Variants in REEP1 observed in about 807,000 individuals in gnomAD.
The protein encoded by REEP1 is receptor expression-enhancing protein 1.
Under a neutral mutation model 40.3 loss-of-function variants are expected in REEP1, and 22 were observed. The observed-to-expected ratio is 0.55, with a 90% CI of 0.39 to 0.78. REEP1 has a LOEUF of 0.78. Among genes scored for constraint, REEP1 ranks in the 30% least tolerant of loss-of-function variants. REEP1 has a pLI of 0.00. For missense variants in REEP1, 280 were observed against 361.1 expected (o/e 0.78, Z 1.82); for synonymous variants, 116 against 139.2 (o/e 0.83, Z 1.17).
chr2:86,216,960 A>T lies in REEP1; in HGVS notation c.*79T>A. ...CACTCAAAGCACACCCAGCTTGCGG[A>T]TTTCTATGTTATTAGTGAATAGCTC... On this transcript the variant is annotated 3_prime_UTR_variant, in exon 9 of 9. Coordinates refer to ENST00000538924, the MANE Select transcript of REEP1 (RefSeq NM_001371279.1). 7.8e-7 allele frequency: 1 copy of T among 1,286,180 alleles called. No homozygotes were observed. Among genetic ancestry groups the T allele is most frequent in the Non-Finnish European group, 1.1e-6 (1 of 888,620 alleles). The allele number at this position is 1,286,180 out of a possible 1,614,324, so 79.7% of individuals were successfully genotyped here.
chr2:86,251,925 C>A (rs376558844), intron 5 of REEP1, 32 bp downstream of exon 5: 1 of 1,442,734 alleles, frequency 6.9e-7, no homozygotes, highest in African/African-American at 1.4e-5. Context: ...GGGACTGAGA[C>A]TCATGTAGTT....
chr2:86,282,255 G>A lies in REEP1; in HGVS notation c.33-13C>T, dbSNP rs1421715498. On this transcript the variant is annotated splice_polypyrimidine_tract_variant and intron_variant, in intron 1 of 8. Coordinates refer to ENST00000538924, the MANE Select transcript of REEP1 (RefSeq NM_001371279.1). ...GCCAAATATAAGCCTGGAGGGAAGA[G>A]AGACAAAAATAAATACGATTTTTCA... 9 of 1,572,090 alleles carry A rather than the reference G, an allele frequency of 5.7e-6. 1 individual carries two copies. The highest frequency in any genetic ancestry group is 1.4e-5 in the African/African-American group (1 of 74,046).
In REEP1 at chr2:86,226,632, C is replaced by CTTT. The variant is rs377324951; in HGVS notation, c.631+728_631+730dup. On this transcript the variant is annotated intron_variant, in intron 7 of 8. Transcript: ENST00000538924. ...TACAGGTGCACACCAGCACACCTGG[C>CTTT]TTTTTTTTTTTTTTAATTGTAGAGA... Among the ~76,000 whole-genome samples the CTTT allele has an allele frequency of 2.1e-3, 291 of 139,432 alleles. 4 individuals carry two copies. Among genetic ancestry groups the CTTT allele is most frequent in the African/African-American group, 7.2e-3 (265 of 36,694 alleles). 91.5% of individuals were successfully genotyped at this position (139,432 alleles called of 152,430 possible). A position where few individuals can be genotyped will look rare whatever the true frequency, so the allele number is the denominator to read the frequency against.
chr2:86,336,198 A>T (rs1421694228), intron 1 of REEP1, among the ~76,000 whole-genome samples: 1 of 152,194 alleles, frequency 6.6e-6, no homozygotes, highest in African/African-American at 2.4e-5. Context: ...TAAATATTTA[A>T]CATGCCACCT....
chr2:86,281,411 C>T (rs1301181930), intron 2 of REEP1, among the ~76,000 whole-genome samples: 3 of 152,146 alleles, frequency 2.0e-5, no homozygotes, highest in South Asian at 2.1e-4. Flanking sequence ...AGGCAGATCA[C>T]GAGGTCAGGA....
chr2:86,232,711 G>A lies in REEP1; in HGVS notation c.509C>T (p.Pro170Leu), dbSNP rs1364050643. 1 of 1,610,870 alleles carries A rather than the reference G, an allele frequency of 6.2e-7. No individual in the cohort carries two copies. Among genetic ancestry groups the A allele is most frequent in the Admixed American group, 1.7e-5 (1 of 60,022 alleles). Residue 170 changes from proline to leucine, a missense_variant, in exon 6 of 9, where the codon CCC (proline) becomes CTC (leucine). Pro to Leu is a moderately conservative substitution (Grantham distance 98). Transcript: ENST00000538924. Reference sequence around the variant, plus strand: ...GGCCCGCCCAGACCCCGGTGGTGGGGGGCCCGAGGGAGCAGGGGCGCCGTC... The same window carrying A: ...GGCCCGCCCAGACCCCGGTGGTGGGAGGCCCGAGGGAGCAGGGGCGCCGTC... ...RGDGAPAPSG[P>L]PPPGSGRASG...
chr2:86,245,686 C>T (rs1165096490), intron 5 of REEP1, among the ~76,000 whole-genome samples: 1 of 152,036 alleles, frequency 6.6e-6, no homozygotes, highest in Non-Finnish European at 1.5e-5. Context: ...CTTAACCTGT[C>T]TCTTCTCATT....
At position 86,227,406 on chromosome 2, in the gene REEP1, A is replaced by G; in HGVS notation, c.596-8T>C. On this transcript the variant is annotated splice_polypyrimidine_tract_variant and splice_region_variant and intron_variant, in intron 6 of 8. Coordinates refer to ENST00000538924, the MANE Select transcript of REEP1 (RefSeq NM_001371279.1). ...TGGAGCAGCAGGTACACACTGTGGG[A>G]ATGGGGTAGGGGCACCATCAGTGAC... 8.1e-7 allele frequency: 1 copy of G among 1,232,386 alleles called. No individual in the cohort carries two copies. Among genetic ancestry groups the G allele is most frequent in the South Asian group, 4.1e-5 (1 of 24,318 alleles). 76.3% of individuals were successfully genotyped at this position (1,232,386 alleles called of 1,614,324 possible).
At chr2:86,318,982 T>A (rs2104509383) in intron 1 of REEP1, among the ~76,000 whole-genome samples, 1 of 152,292 alleles carries the variant, frequency 6.6e-6, no homozygotes, top group Middle Eastern at 3.4e-3. Flanking sequence ...ATATTCGATA[T>A]CAGTGTAAAA....
intron 1 of REEP1, among the ~76,000 whole-genome samples, chr2:86,318,400 C>CTTTTT (rs775382572): frequency 2.8e-4 from 15 of 52,894 alleles, no homozygotes; most frequent in Admixed American, 7.7e-4. Flanking sequence ...CTTTTCTTTT[C>CTTTTT]TTTTTTTTTT....
Position 86,251,993 on chromosome 2 carries a change from G to T in REEP1, c.381C>A (p.Asn127Lys). The change falls in exon 5 of 9, where the codon AAC becomes AAA. Residue 127 changes from asparagine to lysine, a missense_variant. Asn to Lys is a moderately conservative substitution (Grantham distance 94). Coordinates refer to ENST00000538924, the MANE Select transcript of REEP1 (RefSeq NM_001371279.1). Reference sequence around the variant, plus strand: ...CCATCACAGCCGCTGTGGCGGCCACGTTCAAGCCCCGCTTCCCGAAGTGCA... The same window carrying T: ...CCATCACAGCCGCTGTGGCGGCCACTTTCAAGCCCCGCTTCCCGAAGTGCA... ...ALVHFGKRGLNVAATAAVMAA... is the reference protein window; with the variant it reads ...ALVHFGKRGLKVAATAAVMAA... The T allele has an allele frequency of 6.2e-7, 1 of 1,613,942 alleles. No individual in the cohort carries two copies. The highest frequency in any genetic ancestry group is 8.5e-7 in the Non-Finnish European group (1 of 1,179,944).
chr2:86,307,533 CAGG>C (rs1430143946), intron 1 of REEP1, among the ~76,000 whole-genome samples: 5 of 152,182 alleles, frequency 3.3e-5, no homozygotes, highest in Admixed American at 1.3e-4. Context: ...GAGGCCAAGA[CAGG>C]AGGATCACTT....
At chr2:86,227,451 C>A in intron 6 of REEP1, 53 bp from the exon 7 acceptor site, 6 of 1,228,438 alleles carry the variant, frequency 4.9e-6, no homozygotes, top group Non-Finnish European at 6.1e-6. Flanking sequence ...TGGACAGGAA[C>A]CAGCCCCGGG....
intron 1 of REEP1, among the ~76,000 whole-genome samples, chr2:86,329,130 T>C (rs557647853): frequency 2.6e-5 from 4 of 152,226 alleles, no homozygotes; most frequent in Non-Finnish European, 5.9e-5. Flanking sequence ...TCCCCTGGAG[T>C]GCGGCCATCC....
At chr2:86,230,482 G>T (rs116731755) in intron 6 of REEP1, among the ~76,000 whole-genome samples, 1 of 152,182 alleles carries the variant, frequency 6.6e-6, no homozygotes, top group Non-Finnish European at 1.5e-5. Flanking sequence ...ACCTAAGCCC[G>T]CTTCCTAGCC....
chr2:86,245,889 C>T (rs942051671), intron 5 of REEP1, among the ~76,000 whole-genome samples: 8 of 151,926 alleles, frequency 5.3e-5, no homozygotes, highest in East Asian at 3.9e-4. Context: ...CTCAGCCTCC[C>T]GAGTAGCTGG....
intron 1 of REEP1, among the ~76,000 whole-genome samples, chr2:86,299,191 A>C (rs562166102): frequency 1.4e-4 from 22 of 152,330 alleles, no homozygotes; most frequent in African/African-American, 5.1e-4. Context: ...CACTGTGCTC[A>C]GTCATCATTC....
chr2:86,271,850 T>C (rs545864895), intron 2 of REEP1, among the ~76,000 whole-genome samples: 1 of 152,352 alleles, frequency 6.6e-6, no homozygotes, highest in Admixed American at 6.5e-5. Context: ...TCCTTCTTTA[T>C]AGGTTTTTTC....
chr2:86,254,313 GCAC>G (rs1676429836), intron 4 of REEP1, among the ~76,000 whole-genome samples: 1 of 152,100 alleles, frequency 6.6e-6, no homozygotes, highest in South Asian at 2.1e-4. Flanking sequence ...TTACAGGCAT[GCAC>G]CACCACACCT....
Sources: gnomAD v4.1 joint callset for allele counts (sites outside exome capture counted in the v4.1 genomes callset) on GRCh38, gnomAD v4.1.1 for gene constraint, MANE v1.5 for transcripts, NCBI Gene and HGNC (gene_info 2026-07-23, HGNC 2026-07-21) for gene names.